The following NFIA variants were observed in gnomAD, a reference collection of about 807,000 sequenced individuals.
NFIA encodes the protein nuclear factor I A.
A neutral mutation model predicts 62.8 loss-of-function variants in NFIA; 8 were observed. That is an observed-to-expected ratio of 0.13 (90% CI 0.07 to 0.23). The LOEUF (loss-of-function observed/expected upper bound fraction) is 0.23. Among genes scored for constraint, NFIA ranks in the 10% least tolerant of loss-of-function variants. NFIA has a pLI of 1.00. For missense variants in NFIA, 410 were observed against 642.1 expected, an observed-to-expected ratio of 0.64 and a Z score of 3.91; for synonymous variants, 235 against 238.1, an observed-to-expected ratio of 0.99 and a Z score of 0.12.
chr1:61,090,503 C>T (rs537227438), intron 2 of NFIA, among the ~76,000 whole-genome samples: 3 of 152,156 alleles, frequency 2.0e-5, no homozygotes, highest in African/African-American at 4.8e-5. Context: ...GCAATCTTTT[C>T]GCTGTTCTCA....
At chr1:61,187,623 A>C (rs1160381092) in intron 2 of NFIA, among the ~76,000 whole-genome samples, 2 of 152,220 alleles carry the variant, frequency 1.3e-5, no homozygotes, top group African/African-American at 4.8e-5. Context: ...AGTACCACAG[A>C]CTGGCCTATC....
chr1:61,413,087 G>T (rs1328796362), intron 9 of NFIA, among the ~76,000 whole-genome samples: 1 of 152,044 alleles, frequency 6.6e-6, no homozygotes, highest in Admixed American at 6.5e-5. Flanking sequence ...ATTTAAAAAT[G>T]CATGAAAGAC....
intron 4 of NFIA, among the ~76,000 whole-genome samples, chr1:61,334,825 G>A (rs901447368): frequency 1.3e-5 from 2 of 151,684 alleles, no homozygotes; most frequent in African/African-American, 4.8e-5. Flanking sequence ...TGTATGAGAA[G>A]GCCCACACAG....
intron 3 of NFIA, among the ~76,000 whole-genome samples, chr1:61,292,780 A>C (rs552980699): frequency 6.6e-6 from 1 of 152,006 alleles, no homozygotes; most frequent in South Asian, 2.1e-4. Flanking sequence ...ATTAGCTCAA[A>C]CCCCCCATTC....
intron 2 of NFIA, among the ~76,000 whole-genome samples, chr1:61,138,151 A>G (rs1385652995): frequency 3.3e-5 from 5 of 152,078 alleles, no homozygotes; most frequent in African/African-American, 2.4e-5. Context: ...GCTGGAGTAC[A>G]TTGGTGAGAT....
intron 1 of NFIA, among the ~76,000 whole-genome samples, chr1:61,083,230 C>G (rs1646150027): frequency 1.4e-4 from 21 of 152,198 alleles, no homozygotes; most frequent in Middle Eastern, 3.4e-3. Flanking sequence ...AGCAGGGATT[C>G]CGTAGTGCCG....
chr1:61,201,426 C>A (rs1274525090), intron 2 of NFIA, among the ~76,000 whole-genome samples: 1 of 150,376 alleles, frequency 6.6e-6, no homozygotes, highest in Non-Finnish European at 1.5e-5. Context: ...TTTTATGTAT[C>A]ACATTAAGAA....
At chr1:61,348,058 AAAGCCC>A (rs1662339561) in intron 4 of NFIA, among the ~76,000 whole-genome samples, 1 of 152,220 alleles carries the variant, frequency 6.6e-6, no homozygotes, top group Non-Finnish European at 1.5e-5. Flanking sequence ...AAGCCTGCCT[AAAGCCC>A]ACCTCTTCAG....
At chr1:61,150,548 TG>T (rs1255810722) in intron 2 of NFIA, among the ~76,000 whole-genome samples, 4 of 152,178 alleles carry the variant, frequency 2.6e-5, no homozygotes, top group Non-Finnish European at 4.4e-5. Flanking sequence ...GAAGGTATTT[TG>T]GGGGGAAATT....
chr1:61,383,046 G>A (rs1204581152), intron 6 of NFIA, among the ~76,000 whole-genome samples, 191 bp from the exon 7 acceptor site: 1 of 152,148 alleles, frequency 6.6e-6, no homozygotes, highest in African/African-American at 2.4e-5. Context: ...AATACAGACC[G>A]ACTTATCAGG....
chr1:61,179,072 A>T (rs1650581250), intron 2 of NFIA, among the ~76,000 whole-genome samples: 1 of 152,204 alleles, frequency 6.6e-6, no homozygotes, highest in Non-Finnish European at 1.5e-5. Context: ...TGCCATGTGG[A>T]CAGAGAAAGC....
intron 6 of NFIA, among the ~76,000 whole-genome samples, chr1:61,361,991 G>A (rs1663323995): frequency 1.3e-5 from 2 of 152,104 alleles, no homozygotes; most frequent in African/African-American, 4.8e-5. Context: ...TACTCAGCAA[G>A]CGCAGAAAGT....
At position 61,096,935 on chromosome 1, in the gene NFIA, A is replaced by G. The variant is rs185867163; in HGVS notation, c.559+8255A>G. Among the ~76,000 whole-genome samples, 318 of 152,274 alleles carry G rather than the reference A, an allele frequency of 2.1e-3. 4 individuals carry two copies. In the South Asian group the frequency reaches 0.023, roughly 11 times the overall value. On this transcript the variant is annotated intron_variant, in intron 2 of 10. Transcript: ENST00000403491. ...TTATAATTGTAAATAGAAAAAGATG[A>G]CCAATAAGTATAATTTATACTATAT...
intron 3 of NFIA, among the ~76,000 whole-genome samples, chr1:61,317,619 AT>A (rs1163384662): frequency 1.3e-5 from 2 of 152,080 alleles, no homozygotes; most frequent in East Asian, 1.9e-4. Flanking sequence ...TTAGAAAATA[AT>A]TTTTTTACTC....
intron 7 of NFIA, among the ~76,000 whole-genome samples, chr1:61,398,008 A>G (rs781757158): frequency 2.0e-5 from 3 of 152,246 alleles, no homozygotes; most frequent in Non-Finnish European, 4.4e-5. Flanking sequence ...CAGGGGTCTG[A>G]CTCACAGAGC....
At chr1:61,118,191 C>CAAAAAAAAAAAAAAA (rs10719154) in intron 2 of NFIA, among the ~76,000 whole-genome samples, 2 of 131,280 alleles carry the variant, frequency 1.5e-5, no homozygotes, top group Admixed American at 7.6e-5. Flanking sequence ...TCTCAAAGAA[C>CAAAAAAAAAAAAAAA]AAAAAAAAAA....
intron 3 of NFIA, among the ~76,000 whole-genome samples, chr1:61,279,408 A>G (rs1011850817): frequency 6.6e-6 from 1 of 152,106 alleles, no homozygotes; most frequent in African/African-American, 2.4e-5. Flanking sequence ...GTTAAAAAAA[A>G]AAAAAGAGAG....
chr1:61,179,265 TG>T (rs1650594647), intron 2 of NFIA, among the ~76,000 whole-genome samples: 1 of 152,188 alleles, frequency 6.6e-6, no homozygotes, highest in Non-Finnish European at 1.5e-5. Flanking sequence ...CACCTGGCTT[TG>T]GGGGTGACAA....
chr1:61,421,483 C>G (rs993957128), intron 9 of NFIA, among the ~76,000 whole-genome samples: 6 of 152,186 alleles, frequency 3.9e-5, no homozygotes, highest in African/African-American at 1.4e-4. Flanking sequence ...TTTGATAAAA[C>G]AGAAGACCAG....
Sources: allele counts gnomAD v4.1 joint callset (sites outside exome capture counted in the v4.1 genomes callset), GRCh38; gene constraint gnomAD v4.1.1; transcripts MANE v1.5; gene names NCBI Gene and HGNC (gene_info 2026-07-23, HGNC 2026-07-21).